Variants in OTUD7B observed in about 807,000 individuals in gnomAD.
OTUD7B encodes OTU deubiquitinase 7B.
In OTUD7B, 34 loss-of-function variants were observed where a neutral mutation model predicts 82.2. The observed-to-expected ratio is 0.41, with a 90% CI of 0.31 to 0.55. The LOEUF is 0.55. Ranked by LOEUF, OTUD7B falls within the 20% of genes least tolerant of loss-of-function variation. OTUD7B has a pLI of 0.20. For synonymous variants in OTUD7B, 398 were observed against 402.7 expected (o/e 0.99, Z 0.14); for missense variants, 944 against 1,062.1 (o/e 0.89, Z 1.55).
At chr1:149,949,459 A>AT (rs1177800652) in intron 9 of OTUD7B, among the ~76,000 whole-genome samples, 170 bp downstream of exon 9, 144 of 14,550 alleles carry the variant, frequency 9.9e-3, no homozygotes, top group African/African-American at 0.021. Flanking sequence ...TTTTCTCCCA[A>AT]CCCTTTTTTT....
At chr1:150,008,651 C>T (rs374089447) in intron 1 of OTUD7B, among the ~76,000 whole-genome samples, 2 of 152,310 alleles carry the variant, frequency 1.3e-5, no homozygotes, top group East Asian at 3.9e-4. Flanking sequence ...CACTATCTTC[C>T]TTCCATCTTT....
At chr1:149,959,593 C>T in intron 7 of OTUD7B, 91 bp downstream of exon 7, 1 of 784,940 alleles carries the variant, frequency 1.3e-6, no homozygotes, top group South Asian at 1.5e-5. Context: ...TTCTAATATC[C>T]TCTTAGCACA....
the OTUD7B span, among the ~76,000 whole-genome samples, chr1:150,017,515 G>C: frequency 1.3e-5 from 2 of 152,164 alleles, no homozygotes; most frequent in Non-Finnish European, 2.9e-5. Flanking sequence ...TGGAATGCAG[G>C]TCAGGTGGGT....
At chr1:150,058,892 GA>G in the OTUD7B span, among the ~76,000 whole-genome samples, 1 of 151,672 alleles carries the variant, frequency 6.6e-6, no homozygotes, top group Non-Finnish European at 1.5e-5. Flanking sequence ...GACTAGTTAG[GA>G]AAAAATATTT....
At chr1:150,028,419 T>C in the OTUD7B span, among the ~76,000 whole-genome samples, 2 of 152,202 alleles carry the variant, frequency 1.3e-5, no homozygotes, top group Non-Finnish European at 2.9e-5. Flanking sequence ...TTTTTTTTAA[T>C]TGTGGTAAAA....
At chr1:150,058,134 A>G in the OTUD7B span, among the ~76,000 whole-genome samples, 1 of 152,224 alleles carries the variant, frequency 6.6e-6, no homozygotes, top group African/African-American at 2.4e-5. Flanking sequence ...GTATTCGCTC[A>G]GCCCCCAATA....
In OTUD7B at chr1:149,944,940, C is replaced by T. The variant is rs1335922876; in HGVS notation, c.1449G>A (p.Arg483=). Residue 483 remains arginine, a synonymous_variant, in exon 12 of 12, where the codon CGG becomes CGA. Transcript: ENST00000581312. ...GSSSTSNEGG[R]RKEKSKRDRE... is the part of the protein sequence containing the mutation. ...GATCTCGCTTTGACTTCTCCTTCCG[C>T]CGGCCGCCCTCGTTGCTGGTGGAAC... 1 of 1,614,090 alleles carries T rather than the reference C, an allele frequency of 6.2e-7. No individual in the cohort carries two copies. The highest frequency in any genetic ancestry group is 8.5e-7 in the Non-Finnish European group (1 of 1,180,054).
the OTUD7B span, among the ~76,000 whole-genome samples, chr1:150,031,670 T>C: frequency 6.6e-6 from 1 of 152,230 alleles, no homozygotes; most frequent in East Asian, 1.9e-4. Flanking sequence ...GCCCAGACTC[T>C]GCTGCCTAAG....
At position 149,944,750 on chromosome 1, in the gene OTUD7B, T is replaced by A. The variant is rs782615700; in HGVS notation, c.1639A>T (p.Thr547Ser). 6 of 1,613,934 alleles carry A rather than the reference T, an allele frequency of 3.7e-6. No homozygotes were observed. In the South Asian group the frequency reaches 6.6e-5, roughly 18 times the overall value. Residue 547 changes from threonine (T) to serine (S), a missense_variant, in exon 12 of 12, where the codon ACA (threonine) becomes TCA (serine). This residue lies in a region of OTUD7B where 412 missense variants were observed against 418.7 expected (regional missense o/e 0.98). Transcript: ENST00000581312. The stretch of plus-strand genomic sequence containing the variant: ...GAGTTTTTCTTCTTCTTCTCCAGTG[T>A]CTCAGTGCCGCTGCTTCCTCCCAAC... ...TGLGGSSGTE[T>S]LEKKKKNSLK...
At chr1:149,982,969 C>A (rs1474098415) in intron 1 of OTUD7B, among the ~76,000 whole-genome samples, 1 of 151,864 alleles carries the variant, frequency 6.6e-6, no homozygotes, top group Non-Finnish European at 1.5e-5. Context: ...GCCTCAGCCT[C>A]CCGAGTAGCT....
intron 1 of OTUD7B, among the ~76,000 whole-genome samples, chr1:149,980,030 C>T (rs1386540348): frequency 1.3e-5 from 2 of 151,712 alleles, no homozygotes; most frequent in African/African-American, 4.8e-5. Context: ...AACAGGTGCT[C>T]AGCAAAAAGG....
chr1:149,999,436 C>T (rs929135545), intron 1 of OTUD7B, among the ~76,000 whole-genome samples: 1 of 152,162 alleles, frequency 6.6e-6, no homozygotes, highest in Non-Finnish European at 1.5e-5. Context: ...GTCAGAGAAT[C>T]CTGTCCCTTA....
chr1:149,975,287 T>A (rs1650230694), intron 2 of OTUD7B, among the ~76,000 whole-genome samples: 1 of 152,248 alleles, frequency 6.6e-6, no homozygotes. Flanking sequence ...CCTCAATGTT[T>A]CTTTCACAGC....
At chr1:150,032,838 T>C in the OTUD7B span, among the ~76,000 whole-genome samples, 2 of 152,174 alleles carry the variant, frequency 1.3e-5, no homozygotes, top group Non-Finnish European at 2.9e-5. Flanking sequence ...AAAACAGTAT[T>C]CTTTTATAAT....
At chr1:149,958,408 A>G (rs1648878711) in intron 7 of OTUD7B, among the ~76,000 whole-genome samples, 1 of 133,506 alleles carries the variant, frequency 7.5e-6, no homozygotes. Flanking sequence ...GCTGACTACA[A>G]CCTCTGCTTC....
At chr1:149,949,560 C>T (rs1184241929) in intron 9 of OTUD7B, 69 bp downstream of exon 9, 4 of 1,508,948 alleles carry the variant, frequency 2.7e-6, no homozygotes, top group Non-Finnish European at 3.7e-6. Flanking sequence ...ATTCTTTCCT[C>T]CTACATTAGA....
intron 2 of OTUD7B, among the ~76,000 whole-genome samples, chr1:149,975,829 T>C (rs1229251054): frequency 6.6e-6 from 1 of 152,002 alleles, no homozygotes; most frequent in African/African-American, 2.4e-5. Context: ...GAAACCAGCC[T>C]GGCCAGCATT....
chr1:150,009,706 G>A (rs1251760013), intron 1 of OTUD7B, among the ~76,000 whole-genome samples: 1 of 152,054 alleles, frequency 6.6e-6, no homozygotes, highest in Non-Finnish European at 1.5e-5. Context: ...GACTCTGAGC[G>A]CTGGTCCTTG....
intron 4 of OTUD7B, 39 bp from the exon 5 acceptor site, chr1:149,965,917 A>G (rs1553776476): frequency 3.3e-6 from 5 of 1,529,464 alleles, no homozygotes; most frequent in Middle Eastern, 1.7e-4. Flanking sequence ...GAGATTATCC[A>G]TGAAGCCCTT....
Sources: gnomAD v4.1 joint callset for allele counts (sites outside exome capture counted in the v4.1 genomes callset) on GRCh38, gnomAD v4.1.1 for gene constraint, gnomAD v4.1.1 regional missense constraint, MANE v1.5 for transcripts, NCBI Gene and HGNC (gene_info 2026-07-23, HGNC 2026-07-21) for gene names.